TTL: variants seen among roughly 807,000 people sequenced by gnomAD.
The protein encoded by TTL is tubulin tyrosine ligase, also known as tubulin--tyrosine ligase.
Under a neutral mutation model 41.1 loss-of-function variants are expected in TTL, and 10 were observed. The ratio of observed to expected loss-of-function variants is 0.24; its 90% CI spans 0.15 to 0.41. The LOEUF (loss-of-function observed/expected upper bound fraction) is 0.41, where lower values mean the gene tolerates loss of function less well. TTL is among the 10% of genes least tolerant of loss of function. TTL has a pLI of 1.00. For synonymous variants in TTL, 175 were observed against 175.5 expected (o/e 1.00, Z 0.02); for missense variants, 367 against 460.4 (o/e 0.80, Z 1.86).
intron 6 of TTL, among the ~76,000 whole-genome samples, chr2:112,528,446 A>G (rs67178025): frequency 0.1 from 15,924 of 152,130 alleles, 1,042 homozygotes; most frequent in South Asian, 0.16. Context: ...CAAAAAATTT[A>G]AAAATTAGCT....
chr2:112,512,190 C>G (rs1388127329), intron 5 of TTL, among the ~76,000 whole-genome samples: 1 of 151,952 alleles, frequency 6.6e-6, no homozygotes, highest in East Asian at 1.9e-4. Context: ...CTCCCGGGTT[C>G]AAGTGATTCT....
At position 112,534,769 on chromosome 2, in the gene TTL, C is replaced by T. The variant is rs185169049; in HGVS notation, c.*5974C>T. 5.3e-5 allele frequency: 8 copies of T among 152,318 alleles called. No individual in the cohort carries two copies. Among genetic ancestry groups the T allele is most frequent in the Admixed American group, 2.6e-4 (4 of 15,296 alleles). The allele number at this position is 152,318 out of a possible 1,614,324, so 9.4% of individuals were successfully genotyped here. A position where few individuals can be genotyped will look rare whatever the true frequency, so the allele number is the denominator to read the frequency against. On this transcript the variant is annotated 3_prime_UTR_variant, in exon 7 of 7. Transcript: ENST00000233336. Reference sequence around the variant, plus strand: ...AACTGGGAATGAGATTTCTATAGGACGTTTTGAAAAGCTTCAACCTATTCC... The same window carrying T: ...AACTGGGAATGAGATTTCTATAGGATGTTTTGAAAAGCTTCAACCTATTCC...
At chr2:112,486,106 T>C (rs1456787139) in intron 2 of TTL, 111 bp downstream of exon 2, 7 of 1,117,828 alleles carry the variant, frequency 6.3e-6, no homozygotes, top group East Asian at 2.5e-5. Flanking sequence ...CCAACAAATA[T>C]CAGTTCAGAA....
At position 112,503,041 on chromosome 2, in the gene TTL, T is replaced by G; in HGVS notation, c.735T>G (p.Ile245Met). The change falls in exon 5 of 7, where the codon ATT (isoleucine) becomes ATG (methionine). Residue 245 changes from isoleucine (I) to methionine (M), a missense_variant. Coordinates refer to ENST00000233336, the MANE Select transcript of TTL (RefSeq NM_153712.5). ...CCTGCCATTTGACCAATCACTGCAT[T>G]CAAAAAGAGTATTCAAAGAACTACG... ...DKTCHLTNHC[I>M]QKEYSKNYGK... 1 of 1,614,016 alleles carries G rather than the reference T, an allele frequency of 6.2e-7. No homozygotes were observed. Among genetic ancestry groups the G allele is most frequent in the Non-Finnish European group, 8.5e-7 (1 of 1,179,998 alleles).
intron 6 of TTL, among the ~76,000 whole-genome samples, chr2:112,525,695 ATGG>A (rs1285409359): frequency 2.6e-5 from 4 of 152,136 alleles, no homozygotes; most frequent in African/African-American, 7.2e-5. Flanking sequence ...GGCTGAGATG[ATGG>A]GGTTTTCTAA....
intron 6 of TTL, among the ~76,000 whole-genome samples, chr2:112,528,172 C>T (rs547047781): frequency 3.3e-5 from 5 of 152,224 alleles, no homozygotes; most frequent in East Asian, 1.9e-4. Flanking sequence ...GAGTTTCTGC[C>T]GAGAGATCCG....
intron 6 of TTL, among the ~76,000 whole-genome samples, chr2:112,524,970 A>G (rs1682334682): frequency 6.6e-6 from 1 of 152,192 alleles, no homozygotes; most frequent in East Asian, 1.9e-4. Flanking sequence ...TTTTTGTATA[A>G]GGTGTAAGGA....
At chr2:112,508,132 G>A (rs1681838924) in intron 5 of TTL, among the ~76,000 whole-genome samples, 1 of 1,392 alleles carries the variant, frequency 7.2e-4, no homozygotes, top group East Asian at 0.012. Context: ...TAAGAATGTT[G>A]AATATTGGCC....
At chr2:112,528,587 G>A (rs899954638) in intron 6 of TTL, 94 bp from the exon 7 acceptor site, 3 of 1,034,426 alleles carry the variant, frequency 2.9e-6, no homozygotes, top group East Asian at 2.5e-5. Flanking sequence ...TTGGGAGACA[G>A]AGCAAAACCC....
At chr2:112,507,827 ATTG>A (rs995007332) in intron 5 of TTL, among the ~76,000 whole-genome samples, 9 of 137,250 alleles carry the variant, frequency 6.6e-5, no homozygotes, top group African/African-American at 2.6e-4. Context: ...TAAAGTTAAT[ATTG>A]TTATGTGTGA....
intron 4 of TTL, among the ~76,000 whole-genome samples, chr2:112,501,577 T>C (rs1417314816): frequency 1.3e-5 from 2 of 152,030 alleles, no homozygotes; most frequent in African/African-American, 2.4e-5. Flanking sequence ...TTAAAAAATA[T>C]TCTTTTCTGG....
intron 5 of TTL, among the ~76,000 whole-genome samples, chr2:112,512,775 T>C (rs1427512818): frequency 6.6e-6 from 1 of 152,252 alleles, no homozygotes; most frequent in Non-Finnish European, 1.5e-5. Context: ...GTAATGTAAT[T>C]ATTGTATTGG....
intron 5 of TTL, among the ~76,000 whole-genome samples, chr2:112,517,955 T>TC (rs1682114857): frequency 6.7e-6 from 1 of 149,508 alleles, no homozygotes; most frequent in African/African-American, 2.4e-5. Flanking sequence ...GTCTCCTGCT[T>TC]TTTTTTTGGA....
Position 112,520,304 on chromosome 2 carries a change from C to A in TTL, c.898C>A (p.Pro300Thr). Residue 300 changes from proline to threonine, a missense_variant, in exon 6 of 7, where the codon CCT (proline) becomes ACT (threonine). By Grantham distance (38) the Pro-to-Thr change is conservative (BLOSUM62 -1). Coordinates refer to ENST00000233336, the MANE Select transcript of TTL (RefSeq NM_153712.5). ...IIRNCLLSVE[P>T]AISTKHLPYQ... ...TAGGAACTGCCTCCTGAGCGTGGAG[C>A]CTGCCATTAGCACCAAGCACCTCCC... 6.2e-7 allele frequency: 1 copy of A among 1,614,154 alleles called. No individual in the cohort carries two copies. The highest frequency in any genetic ancestry group is 1.7e-5 in the Admixed American group (1 of 60,016).
At position 112,493,997 on chromosome 2, in the gene TTL, A is replaced by G. The variant is rs569865304; in HGVS notation, c.237-146A>G. 1.9e-4 allele frequency: 124 copies of G among 645,540 alleles called. No homozygotes were observed. In the African/African-American group the frequency reaches 2.1e-3, roughly 11 times the overall value. The allele number at this position is 645,540 out of a possible 1,614,324, so 40.0% of individuals were successfully genotyped here. A position where few individuals can be genotyped will look rare whatever the true frequency, so the allele number is the denominator to read the frequency against. ...CCAATAACGCATTTGAGCTTTGTCC[A>G]GGGAGACTAAGAGCAAATAGAGATG... On this transcript the variant is annotated intron_variant, in intron 2 of 6. Transcript: ENST00000233336.
At chr2:112,507,702 A>G (rs1378016551) in intron 5 of TTL, among the ~76,000 whole-genome samples, 3 of 148,850 alleles carry the variant, frequency 2.0e-5, no homozygotes, top group Admixed American at 6.7e-5. Context: ...TTTTGAGCCT[A>G]TGTGTGTCTC....
intron 5 of TTL, among the ~76,000 whole-genome samples, chr2:112,513,538 A>T (rs924565860): frequency 6.6e-6 from 1 of 150,816 alleles, no homozygotes; most frequent in Non-Finnish European, 1.5e-5. Context: ...CATCTTCCTG[A>T]AGGGTATTTT....
intron 6 of TTL, among the ~76,000 whole-genome samples, chr2:112,521,535 G>A (rs1019644940): frequency 5.9e-5 from 9 of 152,198 alleles, no homozygotes; most frequent in East Asian, 1.9e-4. Context: ...TGCAAGGGAC[G>A]ATGTCAACAC....
chr2:112,501,237 A>G lies in TTL; in HGVS notation c.501A>G (p.Ser167=). 1 of 1,613,840 alleles carries G rather than the reference A, an allele frequency of 6.2e-7. No individual in the cohort carries two copies. The highest frequency in any genetic ancestry group is 2.2e-5 in the East Asian group (1 of 44,866). Residue 167 remains serine (S), a synonymous_variant, in exon 4 of 7, where the codon TCA becomes TCG. Transcript: ENST00000233336. ...GCATTCTCATCTCCTCAGAGGCTTC[A>G]GAGCTTCTCGATTTCATAGACAACC... is the stretch of plus-strand genomic sequence containing the variant. ...GEGILISSEA[S]ELLDFIDNQG...
Sources: allele counts gnomAD v4.1 joint callset (sites outside exome capture counted in the v4.1 genomes callset), GRCh38; gene constraint gnomAD v4.1.1; transcripts MANE v1.5; gene names NCBI Gene and HGNC (gene_info 2026-07-23, HGNC 2026-07-21).